LHFPL3: variants seen among roughly 807,000 people sequenced by gnomAD.
The protein encoded by LHFPL3 is LHFPL tetraspan subfamily member 3 protein.
A neutral mutation model predicts 19.3 loss-of-function variants in LHFPL3; 5 were observed. That is an observed-to-expected ratio of 0.26 (90% CI 0.14 to 0.54). The LOEUF (loss-of-function observed/expected upper bound fraction) is 0.54, where lower values mean the gene tolerates loss of function less well. Ranked by LOEUF, LHFPL3 falls within the 20% of genes least tolerant of loss-of-function variation. The pLI, the probability that LHFPL3 is intolerant of heterozygous loss-of-function variation, is 0.94. For missense variants in LHFPL3, 249 were observed against 307.4 expected (o/e 0.81, Z 1.42); for synonymous variants, 133 against 126.2 (o/e 1.05, Z -0.36).
chr7:104,704,778 A>G (rs928530666), intron 1 of LHFPL3, among the ~76,000 whole-genome samples: 7 of 151,990 alleles, frequency 4.6e-5, no homozygotes, highest in African/African-American at 1.7e-4. Flanking sequence ...TGGGACCACA[A>G]GCATGCACCA....
At chr7:104,709,255 G>A (rs1793249229) in intron 1 of LHFPL3, among the ~76,000 whole-genome samples, 1 of 143,208 alleles carries the variant, frequency 7.0e-6, no homozygotes, top group African/African-American at 2.6e-5. Flanking sequence ...AGTATTTATT[G>A]ATCATTCTTG....
At chr7:104,540,955 T>C (rs62485143) in intron 1 of LHFPL3, among the ~76,000 whole-genome samples, 1,823 of 152,302 alleles carry the variant, frequency 0.012, 15 homozygotes, top group East Asian at 0.028. Context: ...TTTTTTCTCA[T>C]GGCTTCTTCC....
intron 1 of LHFPL3, among the ~76,000 whole-genome samples, chr7:104,688,323 G>C (rs559806336): frequency 6.6e-5 from 10 of 152,300 alleles, no homozygotes; most frequent in African/African-American, 2.2e-4. Context: ...CTTAACTCCT[G>C]TAGACAAAGG....
intron 1 of LHFPL3, among the ~76,000 whole-genome samples, chr7:104,356,736 T>C (rs1790284028): frequency 6.6e-6 from 1 of 152,112 alleles, no homozygotes; most frequent in South Asian, 2.1e-4. Flanking sequence ...AGACAAGAGA[T>C]GTATCACTCC....
intron 1 of LHFPL3, among the ~76,000 whole-genome samples, chr7:104,703,260 A>G (rs1484796175): frequency 6.6e-6 from 1 of 152,248 alleles, no homozygotes; most frequent in East Asian, 1.9e-4. Flanking sequence ...TAGGATACAA[A>G]TTATACAAAT....
chr7:104,427,624 A>G (rs1177230657), intron 1 of LHFPL3, among the ~76,000 whole-genome samples: 1 of 152,214 alleles, frequency 6.6e-6, no homozygotes, highest in Non-Finnish European at 1.5e-5. Context: ...GTATTGCCAC[A>G]GCCTGGCTTC....
intron 1 of LHFPL3, among the ~76,000 whole-genome samples, chr7:104,671,267 A>T (rs1388861185): frequency 6.6e-6 from 1 of 152,108 alleles, no homozygotes; most frequent in Non-Finnish European, 1.5e-5. Flanking sequence ...AAAAAAGAAA[A>T]AAAAACTATT....
chr7:104,766,256 G>A (rs1320767439), intron 2 of LHFPL3, among the ~76,000 whole-genome samples: 1 of 152,140 alleles, frequency 6.6e-6, no homozygotes, highest in African/African-American at 2.4e-5. Context: ...AAACTAAATC[G>A]TATTGACTTG....
At chr7:104,877,331 A>C (rs1413212083) in intron 2 of LHFPL3, among the ~76,000 whole-genome samples, 2 of 152,222 alleles carry the variant, frequency 1.3e-5, no homozygotes, top group African/African-American at 4.8e-5. Context: ...CAACCCACCA[A>C]ATGGGAGACA....
At chr7:104,345,135 A>C (rs187576236) in intron 1 of LHFPL3, among the ~76,000 whole-genome samples, 1 of 152,110 alleles carries the variant, frequency 6.6e-6, no homozygotes, top group Non-Finnish European at 1.5e-5. Flanking sequence ...CAGTTTGTAA[A>C]GATATATTTT....
intron 1 of LHFPL3, among the ~76,000 whole-genome samples, chr7:104,561,649 G>A (rs1196310761): frequency 6.6e-5 from 10 of 152,170 alleles, no homozygotes; most frequent in African/African-American, 2.4e-4. Flanking sequence ...TTGCCAGTCT[G>A]TGTCTTTTAA....
intron 2 of LHFPL3, among the ~76,000 whole-genome samples, chr7:104,749,054 G>A (rs1350931651): frequency 3.9e-5 from 6 of 152,244 alleles, no homozygotes; most frequent in African/African-American, 9.6e-5. Flanking sequence ...CATGGCATAA[G>A]TAGGAATGCC....
At chr7:104,409,018 C>T (rs532983822) in intron 1 of LHFPL3, among the ~76,000 whole-genome samples, 5 of 146,482 alleles carry the variant, frequency 3.4e-5, no homozygotes, top group East Asian at 4.0e-4. Context: ...GCGCCTGCCA[C>T]CACGCCCGGC....
chr7:104,470,126 G>T, intron 1 of LHFPL3: 2 of 454,682 alleles, frequency 4.4e-6, no homozygotes, highest in Non-Finnish European at 8.9e-6. Context: ...GAGAGGAGAA[G>T]AAGAACATGG....
intron 1 of LHFPL3, among the ~76,000 whole-genome samples, chr7:104,385,689 G>T (rs1439134616): frequency 5.2e-5 from 6 of 114,808 alleles, no homozygotes; most frequent in Non-Finnish European, 1.9e-5. Context: ...CATTCAAGAA[G>T]TATAATGAGT....
intron 2 of LHFPL3, among the ~76,000 whole-genome samples, chr7:104,878,467 T>C (rs1449758968): frequency 6.6e-6 from 1 of 152,118 alleles, no homozygotes; most frequent in Non-Finnish European, 1.5e-5. Context: ...ATTGTAATTG[T>C]TTTGGGGTAC....
At chr7:104,590,068 G>A (rs538211253) in intron 1 of LHFPL3, among the ~76,000 whole-genome samples, 16 of 152,082 alleles carry the variant, frequency 1.1e-4, no homozygotes, top group African/African-American at 3.4e-4. Flanking sequence ...ACCACCTCCT[G>A]GATTCATTGA....
intron 1 of LHFPL3, among the ~76,000 whole-genome samples, chr7:104,391,246 T>C (rs1170257000): frequency 6.6e-6 from 1 of 152,220 alleles, no homozygotes; most frequent in Non-Finnish European, 1.5e-5. Context: ...GTTTTAGACA[T>C]GAAGTCCTTG....
intron 2 of LHFPL3, among the ~76,000 whole-genome samples, chr7:104,825,136 A>AAAT (rs1220836982): frequency 6.6e-6 from 1 of 151,226 alleles, no homozygotes; most frequent in African/African-American, 2.4e-5. Context: ...GCAGTGTTAA[A>AAAT]AATAATAATA....
Sources: gnomAD v4.1 joint callset for allele counts (sites outside exome capture counted in the v4.1 genomes callset) on GRCh38, gnomAD v4.1.1 for gene constraint, MANE v1.5 for transcripts, NCBI Gene and HGNC (gene_info 2026-07-23, HGNC 2026-07-21) for gene names.